Variants in LCLAT1 observed in about 807,000 individuals in gnomAD.
LCLAT1 encodes the protein lysocardiolipin acyltransferase 1, also known as 1-AGP acyltransferase 8.
A neutral mutation model predicts 30.7 loss-of-function variants in LCLAT1; 11 were observed. That is an observed-to-expected ratio of 0.36 (90% confidence interval 0.23 to 0.59). The LOEUF (loss-of-function observed/expected upper bound fraction) is 0.59, where lower values mean the gene tolerates loss of function less well. Ranked by LOEUF, LCLAT1 falls within the 20% of genes least tolerant of loss-of-function variation. LCLAT1 has a pLI of 0.77. For synonymous variants in LCLAT1, 155 were observed against 151.3 expected, an observed-to-expected ratio of 1.02 and a Z score of -0.18; for missense variants, 402 against 458.6, an observed-to-expected ratio of 0.88 and a Z score of 1.13.
At chr2:30,540,240 T>C (rs533330321) in intron 3 of LCLAT1, among the ~76,000 whole-genome samples, 4 of 152,360 alleles carry the variant, frequency 2.6e-5, no homozygotes, top group Admixed American at 6.5e-5. Flanking sequence ...TATACACTGT[T>C]CTTCATATTT....
At chr2:30,476,781 C>A in intron 1 of LCLAT1, 1 of 318,504 alleles carries the variant, frequency 3.1e-6, no homozygotes, top group South Asian at 2.8e-5. Flanking sequence ...TCTATGAAAC[C>A]AGTTCCTGGT....
chr2:30,604,215 G>A (rs183126059), intron 5 of LCLAT1, among the ~76,000 whole-genome samples: 4 of 152,280 alleles, frequency 2.6e-5, no homozygotes, highest in Admixed American at 2.0e-4. Flanking sequence ...CCATGCTTCA[G>A]CAACTTGCAA....
At chr2:30,552,470 T>C (rs1664722952) in intron 3 of LCLAT1, 1 of 421,050 alleles carries the variant, frequency 2.4e-6, no homozygotes, top group East Asian at 7.4e-5. Context: ...TTTTATACTT[T>C]GATTTCTATC....
intron 5 of LCLAT1, among the ~76,000 whole-genome samples, chr2:30,610,895 G>C (rs907990853): frequency 2.0e-5 from 3 of 151,816 alleles, no homozygotes; most frequent in African/African-American, 7.3e-5. Flanking sequence ...GGACTTAACT[G>C]TTATTATTTC....
intron 1 of LCLAT1, among the ~76,000 whole-genome samples, chr2:30,466,769 G>C (rs1253205940): frequency 2.0e-5 from 3 of 151,950 alleles, no homozygotes; most frequent in African/African-American, 7.2e-5. Flanking sequence ...TGGTAATCTG[G>C]ATTAACATCA....
At chr2:30,578,353 A>G (rs1036382678) in intron 5 of LCLAT1, among the ~76,000 whole-genome samples, 2 of 152,168 alleles carry the variant, frequency 1.3e-5, no homozygotes, top group Non-Finnish European at 2.9e-5. Flanking sequence ...AATGTGGCCC[A>G]GTGTGCCAAA....
intron 1 of LCLAT1, among the ~76,000 whole-genome samples, chr2:30,489,543 A>G (rs770855877): frequency 2.6e-5 from 4 of 152,080 alleles, no homozygotes; most frequent in Non-Finnish European, 5.9e-5. Flanking sequence ...TAGTAGAGAC[A>G]GCGTTTCACC....
At chr2:30,546,056 G>T (rs1221338861) in intron 3 of LCLAT1, among the ~76,000 whole-genome samples, 1 of 152,086 alleles carries the variant, frequency 6.6e-6, no homozygotes, top group African/African-American at 2.4e-5. Flanking sequence ...GTAGTGTAGT[G>T]GTGAAAACTA....
At chr2:30,465,960 A>G (rs1682400316) in intron 1 of LCLAT1, among the ~76,000 whole-genome samples, 1 of 150,390 alleles carries the variant, frequency 6.6e-6, no homozygotes, top group Non-Finnish European at 1.5e-5. Context: ...AACTAATGTT[A>G]CAATTAATTT....
At chr2:30,561,730 C>T (rs1268257385) in intron 3 of LCLAT1, among the ~76,000 whole-genome samples, 1 of 152,126 alleles carries the variant, frequency 6.6e-6, no homozygotes. Flanking sequence ...TGCTTATATA[C>T]TTGACGACAG....
intron 1 of LCLAT1, among the ~76,000 whole-genome samples, chr2:30,448,985 T>C (rs1455204397): frequency 6.6e-6 from 1 of 152,242 alleles, no homozygotes; most frequent in African/African-American, 2.4e-5. Context: ...TCCTCTGCAT[T>C]CATGTACTCT....
At chr2:30,632,292 A>C (rs1229944280) in intron 5 of LCLAT1, among the ~76,000 whole-genome samples, 1 of 152,192 alleles carries the variant, frequency 6.6e-6, no homozygotes. Flanking sequence ...ACAACAACAA[A>C]AGATGGGACA....
chr2:30,458,807 A>G (rs1681959398), intron 1 of LCLAT1, among the ~76,000 whole-genome samples: 1 of 152,204 alleles, frequency 6.6e-6, no homozygotes, highest in Non-Finnish European at 1.5e-5. Flanking sequence ...CCTTCAAGAC[A>G]GGGGCATTCC....
At chr2:30,576,576 G>C (rs7567194) in intron 5 of LCLAT1, among the ~76,000 whole-genome samples, 186 of 152,216 alleles carry the variant, frequency 1.2e-3, no homozygotes, top group African/African-American at 4.4e-3. Flanking sequence ...ATTTTGACCT[G>C]AGTCTAAACC....
chr2:30,533,081 C>G, intron 2 of LCLAT1, 35 bp from the exon 3 acceptor site: 1 of 1,464,616 alleles, frequency 6.8e-7, no homozygotes, highest in Non-Finnish European at 9.6e-7. Context: ...AAAATCATAA[C>G]TTTAATTTGC....
At chr2:30,534,219 CTGTGTGTG>C (rs57380693) in intron 3 of LCLAT1, among the ~76,000 whole-genome samples, 7,417 of 130,418 alleles carry the variant, frequency 0.057, 283 homozygotes, top group African/African-American at 0.12. Flanking sequence ...AGTTGATTTA[CTGTGTGTG>C]TGTGTGTGTG....
chr2:30,496,508 A>G (rs1684127007), intron 1 of LCLAT1, among the ~76,000 whole-genome samples: 1 of 152,192 alleles, frequency 6.6e-6, no homozygotes, highest in Non-Finnish European at 1.5e-5. Context: ...AGATATCTCC[A>G]GTGCTTCCAT....
intron 4 of LCLAT1, among the ~76,000 whole-genome samples, chr2:30,564,226 AAT>A (rs1665373053): frequency 6.6e-6 from 1 of 150,454 alleles, no homozygotes; most frequent in South Asian, 2.1e-4. Context: ...TTATTTAATA[AAT>A]ATAGAGTATA....
intron 1 of LCLAT1, among the ~76,000 whole-genome samples, chr2:30,464,383 T>C (rs1010639632): frequency 6.6e-6 from 1 of 152,188 alleles, no homozygotes; most frequent in Non-Finnish European, 1.5e-5. Context: ...CTTGAAATTG[T>C]GTGTCTGGAA....
Sources: gnomAD v4.1 joint callset for allele counts (sites outside exome capture counted in the v4.1 genomes callset) on GRCh38, gnomAD v4.1.1 for gene constraint, MANE v1.5 for transcripts, NCBI Gene and HGNC (gene_info 2026-07-23, HGNC 2026-07-21) for gene names.